Variants in MMP26 observed in about 807,000 individuals in gnomAD.
The protein encoded by MMP26 is matrix metalloproteinase-26.
MMP26 carries 33 observed loss-of-function variants against 31.0 expected under a neutral mutation model. That is an observed-to-expected ratio of 1.06 (90% confidence interval 0.81 to 1.42). The LOEUF is 1.42. MMP26 is among the 40% of genes most tolerant of loss of function. The pLI, the probability that MMP26 is intolerant of heterozygous loss-of-function variation, is 0.00. For missense variants in MMP26, 347 were observed against 316.1 expected, an observed-to-expected ratio of 1.10 and a Z score of -0.74; for synonymous variants, 122 against 114.9, an observed-to-expected ratio of 1.06 and a Z score of -0.40.
At chr11:4,988,948 T>C (rs1846948723) in intron 3 of MMP26, among the ~76,000 whole-genome samples, 1 of 152,084 alleles carries the variant, frequency 6.6e-6, no homozygotes, top group Admixed American at 6.5e-5. Context: ...GTCATATAAT[T>C]TAAAAAAAAC....
chr11:4,861,264 G>A (rs1850153118), intron 2 of MMP26, among the ~76,000 whole-genome samples: 1 of 149,748 alleles, frequency 6.7e-6, no homozygotes, highest in Non-Finnish European at 1.5e-5. Context: ...TATACATATA[G>A]ATACATATAC....
intron 2 of MMP26, among the ~76,000 whole-genome samples, chr11:4,818,432 G>A (rs1039300164): frequency 6.6e-6 from 1 of 151,632 alleles, no homozygotes; most frequent in African/African-American, 2.4e-5. Context: ...TCTAATCATA[G>A]GTTTGTTATT....
intron 2 of MMP26, among the ~76,000 whole-genome samples, chr11:4,826,709 C>T (rs970696606): frequency 2.6e-5 from 4 of 152,122 alleles, no homozygotes; most frequent in African/African-American, 9.6e-5. Context: ...AACATTGTAC[C>T]AGCTAGCAAA....
At chr11:4,896,636 A>G (rs1031326278) in intron 2 of MMP26, among the ~76,000 whole-genome samples, 2 of 152,188 alleles carry the variant, frequency 1.3e-5, no homozygotes, top group Non-Finnish European at 2.9e-5. Flanking sequence ...TTTTAGGTTT[A>G]TGTTTCTTTG....
intron 2 of MMP26, among the ~76,000 whole-genome samples, chr11:4,833,584 T>G (rs1409676522): frequency 1.3e-5 from 2 of 152,204 alleles, no homozygotes; most frequent in African/African-American, 4.8e-5. Flanking sequence ...CAGCATTACC[T>G]AGAAAGTTGT....
At chr11:4,932,470 C>T (rs1285834668) in intron 2 of MMP26, among the ~76,000 whole-genome samples, 1 of 152,138 alleles carries the variant, frequency 6.6e-6, no homozygotes, top group African/African-American at 2.4e-5. Flanking sequence ...AACCAGCTAA[C>T]ATGCTGATAG....
chr11:4,921,172 G>T (rs190415383), intron 2 of MMP26, among the ~76,000 whole-genome samples: 1 of 152,282 alleles, frequency 6.6e-6, no homozygotes, highest in African/African-American at 2.4e-5. Context: ...ACAAGTGGAT[G>T]AAGTACCTAT....
At chr11:4,966,733 A>C (rs1382281659) in intron 2 of MMP26, among the ~76,000 whole-genome samples, 2 of 152,194 alleles carry the variant, frequency 1.3e-5, no homozygotes, top group Non-Finnish European at 2.9e-5. Context: ...TTACGATGTT[A>C]GTCCATTTTG....
chr11:4,954,661 T>C, intron 2 of MMP26: 1 of 664,022 alleles, frequency 1.5e-6, no homozygotes, highest in South Asian at 1.8e-5. Flanking sequence ...AATAAGTCTG[T>C]GATAACGATA....
At chr11:4,722,581 C>T (rs1848029314) in intron 1 of MMP26, among the ~76,000 whole-genome samples, 1 of 147,312 alleles carries the variant, frequency 6.8e-6, no homozygotes, top group African/African-American at 2.5e-5. Context: ...CAAGGGGTGT[C>T]CTCAGGCACT....
chr11:4,924,377 A>C (rs1293560033), intron 2 of MMP26: 2 of 1,541,138 alleles, frequency 1.3e-6, no homozygotes, highest in East Asian at 4.5e-5. Context: ...TGGAATATAG[A>C]ATGAGATTCC....
At chr11:4,924,125 T>C in intron 2 of MMP26, 1 of 1,614,042 alleles carries the variant, frequency 6.2e-7, no homozygotes, top group East Asian at 2.2e-5. Context: ...AAGGCCTAAG[T>C]CTGTGACAGC....
At chr11:4,839,223 G>C (rs1341599682) in intron 2 of MMP26, among the ~76,000 whole-genome samples, 1 of 152,058 alleles carries the variant, frequency 6.6e-6, no homozygotes, top group Non-Finnish European at 1.5e-5. Context: ...ACAGACCAAA[G>C]TGATCTGGGT....
chr11:4,920,323 G>A (rs1432539297), intron 2 of MMP26, among the ~76,000 whole-genome samples: 3 of 152,154 alleles, frequency 2.0e-5, no homozygotes, highest in Non-Finnish European at 4.4e-5. Flanking sequence ...TAATTGGCTT[G>A]TGTAAGTGGT....
intron 1 of MMP26, among the ~76,000 whole-genome samples, chr11:4,708,203 C>T (rs1452001149): frequency 6.6e-6 from 1 of 152,162 alleles, no homozygotes; most frequent in Non-Finnish European, 1.5e-5. Flanking sequence ...AGATCCAAGG[C>T]TTGACTCGAA....
chr11:4,848,944 G>T, intron 2 of MMP26: 1 of 1,614,010 alleles, frequency 6.2e-7, no homozygotes, highest in Middle Eastern at 1.7e-4. Context: ...ATGCCCAGCA[G>T]TGTGGGCATC....
chr11:4,977,099 A>G (rs1041446409), intron 2 of MMP26, among the ~76,000 whole-genome samples: 1 of 151,338 alleles, frequency 6.6e-6, no homozygotes, highest in Non-Finnish European at 1.5e-5. Context: ...TATTAAATAA[A>G]TGTATTTTTA....
At chr11:4,989,332 C>T (rs1161399150) in intron 3 of MMP26, among the ~76,000 whole-genome samples, 1 of 152,176 alleles carries the variant, frequency 6.6e-6, no homozygotes, top group Non-Finnish European at 1.5e-5. Context: ...CCATCTTCCC[C>T]GGGGAATTCC....
intron 1 of MMP26, among the ~76,000 whole-genome samples, chr11:4,714,937 C>T (rs1379118236): frequency 6.6e-6 from 1 of 151,848 alleles, no homozygotes; most frequent in Admixed American, 6.6e-5. Context: ...CACACACACA[C>T]ACACACACAC....
Sources: allele counts gnomAD v4.1 joint callset (sites outside exome capture counted in the v4.1 genomes callset), GRCh38; gene constraint gnomAD v4.1.1; transcripts MANE v1.5; gene names NCBI Gene and HGNC (gene_info 2026-07-23, HGNC 2026-07-21).